The following GLYATL2 variants were observed in gnomAD, a reference collection of about 807,000 sequenced individuals.
The protein encoded by GLYATL2 is glycine-N-acyltransferase like 2, also known as glycine N-acyltransferase-like protein 2.
In GLYATL2, 25 loss-of-function variants were observed where a neutral mutation model predicts 21.4. The ratio of observed to expected loss-of-function variants is 1.17; its 90% confidence interval spans 0.85 to 1.63. The LOEUF is 1.63. Ranked by LOEUF, GLYATL2 falls within the 40% of genes most tolerant of loss-of-function variation. The pLI is 0.00. For synonymous variants in GLYATL2, 114 were observed against 118.2 expected (o/e 0.96, Z 0.23); for missense variants, 361 against 343.3 (o/e 1.05, Z -0.41).
At chr11:58,883,595 T>C (rs549762029) in intron 1 of GLYATL2, among the ~76,000 whole-genome samples, 1 of 152,212 alleles carries the variant, frequency 6.6e-6, no homozygotes, top group South Asian at 2.1e-4. Context: ...AACCAAAAAA[T>C]GTCCAGGACC....
At chr11:58,899,784 C>T (rs965457880) in intron 1 of GLYATL2, among the ~76,000 whole-genome samples, 2 of 151,838 alleles carry the variant, frequency 1.3e-5, no homozygotes, top group African/African-American at 2.4e-5. Context: ...TTAAGTGTGC[C>T]TAATATTTAT....
At position 58,875,336 on chromosome 11, in the gene GLYATL2, C is replaced by T. The variant is rs190267421; in HGVS notation, n.60+28820G>A. 6.9e-3 allele frequency among the ~76,000 whole-genome samples: 1,056 copies of T among 152,166 alleles called. 11 individuals carry two copies. The highest frequency in any genetic ancestry group is 0.024 in the African/African-American group (1,006 of 41,494). On this transcript the variant is annotated intron_variant and non_coding_transcript_variant, in intron 1 of 4. Transcript: ENST00000533636. ...TGTGAATTTGATCCTGTCATTATGA[C>T]GTTAGCTGGTTATTTTGCTTGTTAG...
chr11:58,889,021 C>T (rs977998462), intron 1 of GLYATL2, among the ~76,000 whole-genome samples: 17 of 151,008 alleles, frequency 1.1e-4, no homozygotes, highest in Non-Finnish European at 1.5e-5. Context: ...CAAATATGCT[C>T]TTTTTTTTCA....
At chr11:58,846,942 T>C (rs143620700), upstream of GLYATL2, among the ~76,000 whole-genome samples, 4 of 151,964 alleles carry the variant, frequency 2.6e-5, no homozygotes, top group East Asian at 7.8e-4. Flanking sequence ...TTCCCTCTGC[T>C]TGAGGAATGA....
chr11:58,835,637 C>T (rs1247499382), intron 5 of GLYATL2, among the ~76,000 whole-genome samples: 3 of 152,076 alleles, frequency 2.0e-5, no homozygotes, highest in Non-Finnish European at 2.9e-5. Flanking sequence ...GGTAACAGAA[C>T]GCTAAGTTTT....
At chr11:58,843,901 G>A (rs1853596775) in intron 1 of GLYATL2, among the ~76,000 whole-genome samples, 1 of 152,142 alleles carries the variant, frequency 6.6e-6, no homozygotes, top group African/African-American at 2.4e-5. Flanking sequence ...GACATGAATA[G>A]GATGTAGCAG....
At chr11:58,902,753 C>T (rs1052210368) in intron 1 of GLYATL2, among the ~76,000 whole-genome samples, 2 of 152,302 alleles carry the variant, frequency 1.3e-5, no homozygotes, top group East Asian at 3.9e-4. Context: ...ATAATAAAAT[C>T]CAGCCAACAA....
intron 1 of GLYATL2, among the ~76,000 whole-genome samples, chr11:58,871,626 T>C (rs1854122642): frequency 6.6e-6 from 1 of 152,180 alleles, no homozygotes. Context: ...TCCTTTTTTA[T>C]GGCTGCATAG....
chr11:58,882,017 T>G (rs1854345056), intron 1 of GLYATL2, among the ~76,000 whole-genome samples: 1 of 152,236 alleles, frequency 6.6e-6, no homozygotes, highest in South Asian at 2.1e-4. Flanking sequence ...TCTTTGCTAT[T>G]GTGAATAGTG....
intron 1 of GLYATL2, among the ~76,000 whole-genome samples, chr11:58,880,189 T>C (rs1854308789): frequency 6.6e-6 from 1 of 152,192 alleles, no homozygotes; most frequent in South Asian, 2.1e-4. Flanking sequence ...GGGAGGGGTC[T>C]ACCCAGGATT....
chr11:58,894,625 C>T lies in GLYATL2; in HGVS notation n.60+9531G>A, dbSNP rs1565109337. 2.0e-5 allele frequency among the ~76,000 whole-genome samples: 3 copies of T among 152,100 alleles called. No individual in the cohort carries two copies. The East Asian group carries it at 5.8e-4, about 29-fold the overall frequency. ...TCTCTCCATAAAAAGTAAGCCTCCA[C>T]AAAATTGAATGTTTATATTTGATGT... is the stretch of plus-strand genomic sequence containing the variant. On this transcript the variant is annotated intron_variant and non_coding_transcript_variant, in intron 1 of 4. Transcript: ENST00000533636.
intron 1 of GLYATL2, among the ~76,000 whole-genome samples, chr11:58,901,007 C>T (rs1854729074): frequency 6.6e-6 from 1 of 152,136 alleles, no homozygotes; most frequent in South Asian, 2.1e-4. Flanking sequence ...ATATACCAAA[C>T]GCGGAAACGC....
chr11:58,872,204 G>A (rs1590737278), intron 1 of GLYATL2, among the ~76,000 whole-genome samples: 2 of 152,196 alleles, frequency 1.3e-5, no homozygotes, highest in African/African-American at 4.8e-5. Context: ...AGATGAGTAG[G>A]TTGCGAAAAT....
intron 1 of GLYATL2, among the ~76,000 whole-genome samples, chr11:58,858,440 C>G (rs1853870726): frequency 6.8e-6 from 1 of 146,356 alleles, no homozygotes; most frequent in African/African-American, 2.5e-5. Context: ...CACCTTTCTT[C>G]TGTTAAAGAT....
chr11:58,863,302 G>A (rs1246634641), intron 1 of GLYATL2, among the ~76,000 whole-genome samples: 1 of 152,122 alleles, frequency 6.6e-6, no homozygotes, highest in African/African-American at 2.4e-5. Context: ...CTAATGTCTG[G>A]GCCTACTGGG....
At chr11:58,880,329 A>C (rs1441602869) in intron 1 of GLYATL2, among the ~76,000 whole-genome samples, 2 of 152,182 alleles carry the variant, frequency 1.3e-5, no homozygotes, top group East Asian at 3.9e-4. Flanking sequence ...TATGAGGAGG[A>C]GGAGGCCCTG....
At chr11:58,862,616 T>C (rs183404168) in intron 1 of GLYATL2, among the ~76,000 whole-genome samples, 298 of 152,356 alleles carry the variant, frequency 2.0e-3, no homozygotes, top group Middle Eastern at 3.4e-3. Context: ...AATTTTCAGT[T>C]CAACCATTGT....
At chr11:58,859,049 T>C (rs1313735799) in intron 1 of GLYATL2, among the ~76,000 whole-genome samples, 1 of 152,202 alleles carries the variant, frequency 6.6e-6, no homozygotes, top group Non-Finnish European at 1.5e-5. Context: ...CATTTCTTCC[T>C]GTGTAGGGGT....
At chr11:58,905,910 T>A (rs535017238), upstream of GLYATL2, among the ~76,000 whole-genome samples, 1 of 152,280 alleles carries the variant, frequency 6.6e-6, no homozygotes, top group East Asian at 1.9e-4. Flanking sequence ...TTCCATCCAA[T>A]GAGAGAAAAC....
Sources: allele counts gnomAD v4.1 joint callset (sites outside exome capture counted in the v4.1 genomes callset), GRCh38; gene constraint gnomAD v4.1.1; transcripts MANE v1.5; gene names NCBI Gene and HGNC (gene_info 2026-07-23, HGNC 2026-07-21).